Variants in EPHA8 observed in about 807,000 individuals in gnomAD.
EPHA8 encodes EPH receptor A8.
In EPHA8, 58 loss-of-function variants were observed where a neutral mutation model predicts 103.6. The observed-to-expected ratio is 0.56, with a 90% CI of 0.45 to 0.70. The LOEUF (loss-of-function observed/expected upper bound fraction) is 0.70, where lower values mean the gene tolerates loss of function less well. EPHA8 is among the 30% of genes least tolerant of loss of function. EPHA8 has a pLI of 0.00. For missense variants in EPHA8, 1,304 were observed against 1,395.2 expected (o/e 0.93, Z 1.04); for synonymous variants, 559 against 572.5 (o/e 0.98, Z 0.34).
At chr1:22,592,607 G>T (rs914047055) in intron 5 of EPHA8, among the ~76,000 whole-genome samples, 3 of 152,208 alleles carry the variant, frequency 2.0e-5, no homozygotes, top group African/African-American at 7.2e-5. Context: ...TTGTGCTGGG[G>T]ATGCCCAGAC....
intron 3 of EPHA8, among the ~76,000 whole-genome samples, chr1:22,584,453 T>G (rs1393493761): frequency 1.3e-5 from 2 of 152,244 alleles, no homozygotes; most frequent in Non-Finnish European, 2.9e-5. Flanking sequence ...TGAAGCAACT[T>G]CAGGGCGTTA....
At chr1:22,570,503 ATAT>A (rs779386608) in intron 2 of EPHA8, among the ~76,000 whole-genome samples, 6 of 152,350 alleles carry the variant, frequency 3.9e-5, no homozygotes, top group Admixed American at 6.5e-5. Context: ...AAGAATAATA[ATAT>A]TAATAATGAT....
chr1:22,572,504 C>T (rs573071306), intron 2 of EPHA8, among the ~76,000 whole-genome samples: 3 of 152,324 alleles, frequency 2.0e-5, no homozygotes, highest in East Asian at 1.9e-4. Context: ...CCTCTGCTCC[C>T]GGGAACTTCC....
In EPHA8 at chr1:22,598,799, G is replaced by A. The variant is rs664340; in HGVS notation, c.2179-39G>A. ...TTCCTGTTCACGGACCAGGCGCCTCGCCGGGCTTTCCTGAAGTCCAAGCCA... is the reference window on the plus strand; with the variant it reads ...TTCCTGTTCACGGACCAGGCGCCTCACCGGGCTTTCCTGAAGTCCAAGCCA... On this transcript the variant is annotated intron_variant, in intron 12 of 16. Transcript: ENST00000166244. The surrounding 1 kb of genome is among the most constrained non-coding windows in gnomAD (Gnocchi z 5.1). 1.3e-4 allele frequency: 204 copies of A among 1,596,342 alleles called. No individual in the cohort carries two copies. Among genetic ancestry groups the A allele is most frequent in the Admixed American group, 5.2e-4 (31 of 59,744 alleles).
chr1:22,577,967 A>ATGTGTGTGCATG (rs879002179), intron 3 of EPHA8, among the ~76,000 whole-genome samples: 1 of 190 alleles, frequency 5.3e-3, no homozygotes, highest in Admixed American at 0.042. Flanking sequence ...ATGTGTGTGC[A>ATGTGTGTGCATG]TGTGCGTATG....
chr1:22,577,232 C>T (rs1640734452), intron 3 of EPHA8, among the ~76,000 whole-genome samples: 4 of 152,188 alleles, frequency 2.6e-5, no homozygotes, highest in Admixed American at 2.6e-4. Context: ...TAACTCAGGT[C>T]AGACATAGTT....
intron 9 of EPHA8, among the ~76,000 whole-genome samples, chr1:22,596,932 A>G (rs1188562279): frequency 1.3e-5 from 2 of 152,252 alleles, no homozygotes; most frequent in Non-Finnish European, 2.9e-5. Context: ...AGCTGGGATT[A>G]TAGGCATGAG....
intron 3 of EPHA8, among the ~76,000 whole-genome samples, chr1:22,583,682 T>C (rs682187): frequency 0.2 from 31,040 of 152,210 alleles, 3,418 homozygotes; most frequent in African/African-American, 0.29. Context: ...CCCTCTAAGG[T>C]GGGTAGAATT....
In EPHA8 at chr1:22,597,441, C is replaced by T. The variant is rs1461270305; in HGVS notation, c.1895C>T (p.Ala632Val). Residue 632 changes from alanine to valine, a missense_variant, in exon 10 of 17, where the codon GCC (alanine) becomes GTC (valine). Physicochemically the swap from Ala to Val is moderately conservative, Grantham distance 64. Coordinates refer to ENST00000166244, the MANE Select transcript of EPHA8 (RefSeq NM_020526.5). The surrounding 1 kb of genome is among the most constrained non-coding windows in gnomAD (Gnocchi z 4.6). ...AGRSFTREIE[A>V]SRIHIEKIIG... ...CGCAGTTTCACTCGGGAGATCGAGG[C>T]CTCTAGGATCCACATCGAGAAAATC... 6.2e-7 allele frequency: 1 copy of T among 1,613,464 alleles called. No homozygotes were observed. The highest frequency in any genetic ancestry group is 8.5e-7 in the Non-Finnish European group (1 of 1,179,964).
In EPHA8 at chr1:22,588,945, C is replaced by G; in HGVS notation, c.1054C>G (p.Leu352Val). The change falls in exon 5 of 17, where the codon CTG becomes GTG. Residue 352 changes from leucine to valine, a missense_variant. Transcript: ENST00000166244. The stretch of plus-strand genomic sequence containing the variant: ...AGTGACTCTGGAGTGGGCCCCTCCC[C>G]TGGACCCAGGTGGCCGCAGTGACAT... ...TSVTLEWAPP[L>V]DPGGRSDITY... 6.2e-7 allele frequency: 1 copy of G among 1,612,586 alleles called. No homozygotes were observed. Among genetic ancestry groups the G allele is most frequent in the South Asian group, 1.1e-5 (1 of 91,058 alleles).
chr1:22,578,451 C>CGT (rs1553145854), intron 3 of EPHA8, among the ~76,000 whole-genome samples: 1 of 32,956 alleles, frequency 3.0e-5, no homozygotes, highest in African/African-American at 1.2e-4. Flanking sequence ...TGCATGTGTG[C>CGT]GAGTGTATGC....
chr1:22,566,083 C>T (rs528277139), intron 1 of EPHA8, among the ~76,000 whole-genome samples: 1 of 152,346 alleles, frequency 6.6e-6, no homozygotes, highest in South Asian at 2.1e-4. Flanking sequence ...GGCCAAACAA[C>T]AGTCCACTCA....
chr1:22,597,279 G>A lies in EPHA8; in HGVS notation c.1766-33G>A. 1 of 1,564,258 alleles carries A rather than the reference G, an allele frequency of 6.4e-7. No homozygotes were observed. The highest frequency in any genetic ancestry group is 8.7e-7 in the Non-Finnish European group (1 of 1,144,610). On this transcript the variant is annotated intron_variant, in intron 9 of 16. Coordinates refer to ENST00000166244, the MANE Select transcript of EPHA8 (RefSeq NM_020526.5). This position sits in a 1 kb window ranked among gnomAD's most constrained non-coding sequence, Gnocchi z 4.6. ...TGTCAGGAAAAAGCAATCTCTCCTG[G>A]GCCCCACTGAAGGCCCTCCTCCCGC...
In EPHA8 at chr1:22,600,899, T is replaced by C; in HGVS notation, c.2540T>C (p.Val847Ala). 1 of 1,603,574 alleles carries C rather than the reference T, an allele frequency of 6.2e-7. No homozygotes were observed. The highest frequency in any genetic ancestry group is 8.5e-7 in the Non-Finnish European group (1 of 1,174,340). The change falls in exon 15 of 17, where the codon GTC becomes GCC. Residue 847 changes from valine (V) to alanine (A), a missense_variant and splice_region_variant. Physicochemically the swap from Val to Ala is moderately conservative, Grantham distance 64 (BLOSUM62 0). Transcript: ENST00000166244. ...RPYWNMTNRD[V>A]ISSVEEGYRL... ...GAGCCCAGCGCTGATCCCCTGCAGG[T>C]CATCAGCTCTGTGGAGGAGGGGTAC...
At chr1:22,571,896 G>GT (rs1453414847) in intron 2 of EPHA8, among the ~76,000 whole-genome samples, 2 of 152,152 alleles carry the variant, frequency 1.3e-5, no homozygotes, top group African/African-American at 2.4e-5. Context: ...AATTAGCTGA[G>GT]AGTGGTGGTG....
At chr1:22,586,436 G>T in intron 3 of EPHA8, 44 bp from the exon 4 acceptor site, 1 of 1,601,810 alleles carries the variant, frequency 6.2e-7, no homozygotes. Context: ...AGGCCAGCCA[G>T]GGTGGCCCTG....
At chr1:22,588,530 T>C (rs1046471382) in intron 4 of EPHA8, among the ~76,000 whole-genome samples, 1 of 149,888 alleles carries the variant, frequency 6.7e-6, no homozygotes, top group Non-Finnish European at 1.5e-5. Flanking sequence ...ACACACAGGG[T>C]GGCTGCTGTG....
rs1402350976 is a variant in EPHA8 at position 22,595,294 on chromosome 1, G to A, written c.1668G>A (p.Val556=). The change falls in exon 8 of 17, where the codon GTG becomes GTA. Residue 556 remains valine, a synonymous_variant. Coordinates refer to ENST00000166244, the MANE Select transcript of EPHA8 (RefSeq NM_020526.5). The part of the protein sequence containing the change: ...ICLTLITGLV[V]LLLLLICKKR... Reference sequence around the variant, plus strand: ...TGACGCTCATCACGGGCCTGGTGGTGCTTCTGCTCCTGCTCATCTGCAAGA... The same window carrying A: ...TGACGCTCATCACGGGCCTGGTGGTACTTCTGCTCCTGCTCATCTGCAAGA... 6.2e-7 allele frequency: 1 copy of A among 1,613,758 alleles called. No homozygotes were observed. Among genetic ancestry groups the A allele is most frequent in the South Asian group, 1.1e-5 (1 of 90,998 alleles).
chr1:22,567,756 C>G lies in EPHA8; in HGVS notation c.95-1533C>G, dbSNP rs1640409185. 1.3e-5 allele frequency among the ~76,000 whole-genome samples: 2 copies of G among 152,228 alleles called. No individual in the cohort carries two copies. The highest frequency in any genetic ancestry group is 2.9e-5 in the Non-Finnish European group (2 of 68,040). ...AATCTCAGGCAGAAGGACACCCAGCCTCCCCACGGGAAAGTTCCAGGAGAG... is the reference window on the plus strand; with the variant it reads ...AATCTCAGGCAGAAGGACACCCAGCGTCCCCACGGGAAAGTTCCAGGAGAG... On this transcript the variant is annotated intron_variant, in intron 1 of 16. Transcript: ENST00000166244. This position sits in a 1 kb window ranked among gnomAD's most constrained non-coding sequence, Gnocchi z 4.2.
Sources: allele counts gnomAD v4.1 joint callset (sites outside exome capture counted in the v4.1 genomes callset), GRCh38; gene constraint gnomAD v4.1.1; non-coding constraint Gnocchi (gnomAD v3.1); transcripts MANE v1.5; gene names NCBI Gene and HGNC (gene_info 2026-07-23, HGNC 2026-07-21).